The following SIK3 variants were observed in gnomAD, a reference collection of about 807,000 sequenced individuals.
SIK3 encodes the protein SIK family kinase 3, also known as serine/threonine-protein kinase SIK3.
SIK3 carries 28 observed loss-of-function variants against 144.2 expected under a neutral mutation model. That is an observed-to-expected ratio of 0.19 (90% confidence interval 0.14 to 0.27). The LOEUF (loss-of-function observed/expected upper bound fraction) is 0.27. Among genes scored for constraint, SIK3 ranks in the 10% least tolerant of loss-of-function variants. SIK3 has a pLI of 1.00. For missense variants in SIK3, 1,319 were observed against 1,776.0 expected (o/e 0.74, Z 4.62); for synonymous variants, 686 against 676.3 (o/e 1.01, Z -0.22).
At chr11:116,921,314 G>A (rs1345647657) in intron 4 of SIK3, among the ~76,000 whole-genome samples, 1 of 152,132 alleles carries the variant, frequency 6.6e-6, no homozygotes, top group Non-Finnish European at 1.5e-5. Context: ...TTATATATAT[G>A]CAAAGCATAA....
At chr11:117,042,834 T>A (rs2135865097) in intron 1 of SIK3, among the ~76,000 whole-genome samples, 1 of 152,338 alleles carries the variant, frequency 6.6e-6, no homozygotes, top group African/African-American at 2.4e-5. Flanking sequence ...CCAATTAAGA[T>A]AAATTTTAAA....
chr11:116,963,540 G>A (rs970270102), intron 1 of SIK3, among the ~76,000 whole-genome samples: 1 of 152,310 alleles, frequency 6.6e-6, no homozygotes, highest in South Asian at 2.1e-4. Context: ...GAGAGACTAT[G>A]AATGAAAAGT....
intron 1 of SIK3, among the ~76,000 whole-genome samples, chr11:117,004,642 C>A (rs1485014439): frequency 1.3e-5 from 2 of 152,146 alleles, no homozygotes; most frequent in African/African-American, 2.4e-5. Flanking sequence ...AACATAGAGG[C>A]ACTATTATTA....
chr11:116,973,856 T>C (rs1949851218), intron 1 of SIK3, among the ~76,000 whole-genome samples: 1 of 152,014 alleles, frequency 6.6e-6, no homozygotes, highest in African/African-American at 2.4e-5. Context: ...TCAAAACCAT[T>C]AAGGTCATCA....
chr11:116,943,298 A>G (rs1293808525), intron 3 of SIK3, among the ~76,000 whole-genome samples: 1 of 152,298 alleles, frequency 6.6e-6, no homozygotes, highest in African/African-American at 2.4e-5. Context: ...ATAACATTTG[A>G]GATGGGTCAC....
chr11:117,094,978 C>T (rs1591699572), intron 1 of SIK3, among the ~76,000 whole-genome samples: 1 of 151,958 alleles, frequency 6.6e-6, no homozygotes, highest in African/African-American at 2.4e-5. Flanking sequence ...TCATGAATGC[C>T]GTGCTGCAAA....
At chr11:116,980,625 G>A (rs1233599555) in intron 1 of SIK3, among the ~76,000 whole-genome samples, 1 of 152,102 alleles carries the variant, frequency 6.6e-6, no homozygotes, top group Non-Finnish European at 1.5e-5. Flanking sequence ...GGCCGAAGTG[G>A]GCAGATCACT....
At chr11:116,847,279 G>A (rs1942049470) in intron 23 of SIK3, among the ~76,000 whole-genome samples, 197 bp downstream of exon 23, 1 of 152,164 alleles carries the variant, frequency 6.6e-6, no homozygotes, top group African/African-American at 2.4e-5. Flanking sequence ...TGTGCCATCT[G>A]GCCAGAAGCC....
chr11:117,039,230 AT>A (rs1250865369), intron 1 of SIK3, among the ~76,000 whole-genome samples: 1 of 152,176 alleles, frequency 6.6e-6, no homozygotes, highest in East Asian at 1.9e-4. Context: ...AAAGATACCT[AT>A]TGTCTTCATA....
chr11:117,060,846 G>GC (rs1160691953), intron 1 of SIK3, among the ~76,000 whole-genome samples: 11 of 152,298 alleles, frequency 7.2e-5, no homozygotes, highest in Admixed American at 2.0e-4. Context: ...CCACACTAAT[G>GC]CAAGATGTTA....
intron 4 of SIK3, among the ~76,000 whole-genome samples, chr11:116,897,874 C>A (rs1339185400): frequency 6.6e-6 from 1 of 150,690 alleles, no homozygotes; most frequent in Non-Finnish European, 1.5e-5. Flanking sequence ...CAGAGCAAGA[C>A]TCCGTCTCCA....
At chr11:117,077,107 A>T (rs1013732453) in intron 1 of SIK3, among the ~76,000 whole-genome samples, 1 of 152,176 alleles carries the variant, frequency 6.6e-6, no homozygotes. Flanking sequence ...TGTGAGCTAC[A>T]ATCACACCAC....
intron 1 of SIK3, among the ~76,000 whole-genome samples, chr11:116,997,571 A>G (rs1489764487): frequency 6.6e-6 from 1 of 152,236 alleles, no homozygotes; most frequent in Non-Finnish European, 1.5e-5. Flanking sequence ...TTATTAATTT[A>G]TATTTTGCTT....
rs1565345394 is a variant in SIK3, at chr11:116,844,628, T to TACAC, written c.*1014_*1015insGTGT. On this transcript the variant is annotated 3_prime_UTR_variant, in exon 25 of 25. Coordinates refer to ENST00000445177, the MANE Select transcript of SIK3 (RefSeq NM_001366686.3). ...ATATATTATATATATAATATATATA[T>TACAC]AATATATTATATTATATATTATATA... The TACAC allele has an allele frequency of 0.013, 762 of 56,670 alleles. 18 individuals carry two copies. The highest frequency in any genetic ancestry group is 0.049 in the African/African-American group (706 of 14,468). 3.5% of individuals were successfully genotyped at this position (56,670 alleles called of 1,614,324 possible).
At chr11:117,072,185 C>T (rs1205855173) in intron 1 of SIK3, among the ~76,000 whole-genome samples, 2 of 151,846 alleles carry the variant, frequency 1.3e-5, no homozygotes, top group African/African-American at 2.4e-5. Context: ...GTCAGGAGTT[C>T]GAGACCAGCC....
intron 4 of SIK3, among the ~76,000 whole-genome samples, chr11:116,902,423 C>G (rs1311360964): frequency 6.6e-6 from 1 of 152,112 alleles, no homozygotes; most frequent in Non-Finnish European, 1.5e-5. Context: ...CAAAGGGAAC[C>G]AGCTTCAGCA....
chr11:116,956,211 G>C (rs1949132295), intron 2 of SIK3, among the ~76,000 whole-genome samples: 1 of 152,050 alleles, frequency 6.6e-6, no homozygotes, highest in South Asian at 2.1e-4. Flanking sequence ...TCACCAGCCT[G>C]CTAAGGCAAG....
chr11:116,925,153 C>T (rs1947206725), intron 4 of SIK3, among the ~76,000 whole-genome samples: 1 of 151,840 alleles, frequency 6.6e-6, no homozygotes, highest in African/African-American at 2.4e-5. Flanking sequence ...TAGAAGCGCG[C>T]ACCTGTAGTT....
At chr11:117,080,679 G>T (rs1039671745) in intron 1 of SIK3, among the ~76,000 whole-genome samples, 3 of 152,160 alleles carry the variant, frequency 2.0e-5, no homozygotes, top group Non-Finnish European at 4.4e-5. Flanking sequence ...TGGGCACGCT[G>T]ACTCACACCT....
Sources: allele counts gnomAD v4.1 joint callset (sites outside exome capture counted in the v4.1 genomes callset), GRCh38; gene constraint gnomAD v4.1.1; transcripts MANE v1.5; gene names NCBI Gene and HGNC (gene_info 2026-07-23, HGNC 2026-07-21).